The following SORBS2 variants were observed in gnomAD, a reference collection of about 807,000 sequenced individuals.
SORBS2 encodes the protein sorbin and SH3 domain-containing protein 2.
Under a neutral mutation model 97.7 loss-of-function variants are expected in SORBS2, and 46 were observed. The observed-to-expected ratio is 0.47, with a 90% CI of 0.37 to 0.60. The LOEUF is 0.60. SORBS2 is among the 20% of genes least tolerant of loss of function. The pLI, the probability that SORBS2 is intolerant of heterozygous loss-of-function variation, is 0.00. For synonymous variants in SORBS2, 476 were observed against 473.4 expected, an observed-to-expected ratio of 1.01 and a Z score of -0.07; for missense variants, 1,316 against 1,282.3, an observed-to-expected ratio of 1.03 and a Z score of -0.40.
At chr4:185,929,420 T>A (rs2099265327) in intron 1 of SORBS2, among the ~76,000 whole-genome samples, 1 of 152,196 alleles carries the variant, frequency 6.6e-6, no homozygotes, top group African/African-American at 2.4e-5. Flanking sequence ...AAGTCTTTTA[T>A]AATTGAGTTT....
intron 1 of SORBS2, among the ~76,000 whole-genome samples, chr4:185,877,637 C>A (rs1561260038): frequency 6.6e-6 from 1 of 151,930 alleles, no homozygotes; most frequent in Non-Finnish European, 1.5e-5. Context: ...GAGGCCAAGA[C>A]AGGTAGATCA....
At chr4:185,765,976 A>C (rs903561046) in intron 2 of SORBS2, among the ~76,000 whole-genome samples, 11 of 152,222 alleles carry the variant, frequency 7.2e-5, no homozygotes, top group African/African-American at 2.7e-4. Context: ...ATAAAAAGAA[A>C]ATTCTAATGA....
chr4:185,736,571 C>T (rs1431680593), intron 2 of SORBS2, among the ~76,000 whole-genome samples: 2 of 152,172 alleles, frequency 1.3e-5, no homozygotes, highest in Non-Finnish European at 2.9e-5. Flanking sequence ...GGACACAATA[C>T]CTTTCCTAAA....
At chr4:185,887,693 T>A (rs1416341746) in intron 1 of SORBS2, among the ~76,000 whole-genome samples, 1 of 152,214 alleles carries the variant, frequency 6.6e-6, no homozygotes, top group Non-Finnish European at 1.5e-5. Context: ...AGCAAGACTT[T>A]GGAAGCTGAG....
intron 2 of SORBS2, among the ~76,000 whole-genome samples, chr4:185,709,684 C>T (rs1207662533): frequency 6.6e-6 from 1 of 152,108 alleles, no homozygotes; most frequent in Non-Finnish European, 1.5e-5. Flanking sequence ...GCAAACTCCA[C>T]TCATTTGCTT....
chr4:185,938,430 A>ACACACACC (rs35146408), intron 1 of SORBS2, among the ~76,000 whole-genome samples: 10 of 142,064 alleles, frequency 7.0e-5, no homozygotes, highest in East Asian at 2.0e-4. Flanking sequence ...ACACACACAC[A>ACACACACC]CCCTTTTATT....
intron 4 of SORBS2, among the ~76,000 whole-genome samples, 165 bp from the exon 14 acceptor site, chr4:185,639,200 C>A (rs1307525666): frequency 6.6e-6 from 1 of 152,174 alleles, no homozygotes; most frequent in Non-Finnish European, 1.5e-5. Flanking sequence ...GCGATCCGGG[C>A]CGCTGCGAAG....
chr4:185,763,527 A>T (rs2098916564), intron 2 of SORBS2, among the ~76,000 whole-genome samples: 1 of 152,214 alleles, frequency 6.6e-6, no homozygotes. Flanking sequence ...GTCTTCACAA[A>T]TTCTGAAGGT....
intron 1 of SORBS2, among the ~76,000 whole-genome samples, chr4:185,776,105 G>A (rs773503021): frequency 1.5e-4 from 23 of 149,856 alleles, no homozygotes; most frequent in Non-Finnish European, 8.8e-5. Flanking sequence ...TTAAGAAGTC[G>A]TATTCATTCA....
intron 2 of SORBS2, among the ~76,000 whole-genome samples, chr4:185,726,124 G>C (rs535319745): frequency 3.3e-5 from 5 of 152,132 alleles, no homozygotes; most frequent in African/African-American, 7.2e-5. Context: ...CTGGTGTGGC[G>C]AGGCAGGTGT....
At chr4:185,667,565 A>G (rs1457754650) in intron 4 of SORBS2, among the ~76,000 whole-genome samples, 1 of 152,022 alleles carries the variant, frequency 6.6e-6, no homozygotes, top group Non-Finnish European at 1.5e-5. Flanking sequence ...GAGACACTCT[A>G]AAGCATAACC....
At chr4:185,715,102 T>G (rs2098455253) in intron 2 of SORBS2, among the ~76,000 whole-genome samples, 1 of 152,210 alleles carries the variant, frequency 6.6e-6, no homozygotes, top group Non-Finnish European at 1.5e-5. Context: ...CTCCATGAAT[T>G]TGTTTGCAAA....
chr4:185,679,464 T>C (rs965598905), intron 2 of SORBS2, among the ~76,000 whole-genome samples: 10 of 152,214 alleles, frequency 6.6e-5, no homozygotes, highest in African/African-American at 2.4e-4. Context: ...TAAATTGCTT[T>C]TGGTAAGGCA....
chr4:185,734,901 T>C (rs2098673046), intron 2 of SORBS2, among the ~76,000 whole-genome samples: 1 of 152,226 alleles, frequency 6.6e-6, no homozygotes, highest in Admixed American at 6.5e-5. Context: ...TTTCTTTCTC[T>C]AAATTTGGCA....
chr4:185,672,405 G>C (rs554812211), intron 4 of SORBS2, among the ~76,000 whole-genome samples: 27 of 152,220 alleles, frequency 1.8e-4, no homozygotes, highest in Non-Finnish European at 2.9e-4. Context: ...CATAGAAACT[G>C]TTTGGGGGTG....
At chr4:185,794,307 G>A (rs921616773) in intron 1 of SORBS2, among the ~76,000 whole-genome samples, 6 of 152,186 alleles carry the variant, frequency 3.9e-5, no homozygotes, top group Admixed American at 1.3e-4. Flanking sequence ...GGTGGGGCAC[G>A]GCCCCACTGA....
At chr4:185,642,582 T>C (rs1305903820) in intron 4 of SORBS2, among the ~76,000 whole-genome samples, 1 of 152,222 alleles carries the variant, frequency 6.6e-6, no homozygotes, top group Non-Finnish European at 1.5e-5. Context: ...TCCTGGTGAC[T>C]GCTAAGTACT....
intron 2 of SORBS2, among the ~76,000 whole-genome samples, chr4:185,770,753 C>A (rs951238572): frequency 1.3e-5 from 2 of 151,822 alleles, no homozygotes; most frequent in Non-Finnish European, 2.9e-5. Context: ...ATAATATATC[C>A]TTGAGAAATA....
chr4:185,839,882 AC>A (rs2099210441), intron 1 of SORBS2, among the ~76,000 whole-genome samples: 1 of 152,238 alleles, frequency 6.6e-6, no homozygotes, highest in South Asian at 2.1e-4. Flanking sequence ...CACAGGGCAC[AC>A]TGGCCTCAGA....
Sources: gnomAD v4.1 joint callset for allele counts (sites outside exome capture counted in the v4.1 genomes callset) on GRCh38, gnomAD v4.1.1 for gene constraint, MANE v1.5 for transcripts, NCBI Gene and HGNC (gene_info 2026-07-23, HGNC 2026-07-21) for gene names.